ANGPT4: variants seen among roughly 807,000 people sequenced by gnomAD.
The protein encoded by ANGPT4 is angiopoietin 4.
In ANGPT4, 50 loss-of-function variants were observed where a neutral mutation model predicts 53.0. The observed-to-expected ratio is 0.94, with a 90% CI of 0.75 to 1.20. ANGPT4 has a LOEUF of 1.20. ANGPT4 is among the 50% of genes most tolerant of loss of function. ANGPT4 has a pLI of 0.00. For missense variants in ANGPT4, 648 were observed against 637.1 expected (o/e 1.02, Z -0.18); for synonymous variants, 251 against 259.7 (o/e 0.97, Z 0.32).
chr20:881,250 C>G lies in ANGPT4; in HGVS notation c.872G>C (p.Cys291Ser). The G allele has an allele frequency of 6.2e-7, 1 of 1,614,118 alleles. No individual in the cohort carries two copies. Among genetic ancestry groups the G allele is most frequent in the South Asian group, 1.1e-5 (1 of 91,074 alleles). The change falls in exon 5 of 9, where the codon TGT (cysteine) becomes TCT (serine). Residue 291 changes from cysteine (C) to serine (S), a missense_variant. Coordinates refer to ENST00000381922, the MANE Select transcript of ANGPT4 (RefSeq NM_015985.4). ...GGCCCCAGAGCGCTGGATCTCTGCA[C>G]AGTCCTGGAACACCTGCTCACCTGC... ...IMAGEQVFQDCAEIQRSGASA... is the reference protein window; with the variant it reads ...IMAGEQVFQDSAEIQRSGASA...
chr20:892,816 A>G (rs1340509267), intron 1 of ANGPT4, among the ~76,000 whole-genome samples: 1 of 152,122 alleles, frequency 6.6e-6, no homozygotes, highest in African/African-American at 2.4e-5. Flanking sequence ...ACAGGCGAGC[A>G]CCACCACGCG....
Position 885,349 on chromosome 20 carries a change from G to C in ANGPT4, c.588-24C>G, listed in dbSNP as rs528391316. On this transcript the variant is annotated intron_variant, in intron 3 of 8. Transcript: ENST00000381922. ...CGCTGCGGGGTAGGGGGCGCACAGA[G>C]GTGAGCCTGGCATCCTCGCGAAGCA... The C allele has an allele frequency of 2.2e-4, 347 of 1,546,654 alleles. 2 individuals are homozygous for C. The South Asian group carries it at 3.9e-3, about 17-fold the overall frequency.
Position 874,276 on chromosome 20 carries a change from G to A in ANGPT4, c.1351+8C>T. 6.2e-7 allele frequency: 1 copy of A among 1,613,946 alleles called. No homozygotes were observed. Among genetic ancestry groups the A allele is most frequent in the Non-Finnish European group, 8.5e-7 (1 of 1,179,910 alleles). On this transcript the variant is annotated splice_region_variant and intron_variant, in intron 8 of 8. Transcript: ENST00000381922. ...GGTGGGCGGAGCTTCACCCCACCCT[G>A]CACCTACCTCCAGACATCACTTGGG...
chr20:905,431 G>T (rs1461097113), intron 1 of ANGPT4, among the ~76,000 whole-genome samples: 1 of 152,174 alleles, frequency 6.6e-6, no homozygotes, highest in Non-Finnish European at 1.5e-5. Context: ...ATAGTTGTTT[G>T]GCAGCTAGAA....
chr20:890,447 G>T, intron 1 of ANGPT4, 79 bp from the exon 2 acceptor site: 1 of 1,397,418 alleles, frequency 7.2e-7, no homozygotes. Flanking sequence ...ACCATGGGAG[G>T]GCACTGAGCA....
intron 1 of ANGPT4, among the ~76,000 whole-genome samples, chr20:895,622 C>T (rs907029506): frequency 7.2e-5 from 11 of 152,014 alleles, no homozygotes; most frequent in African/African-American, 2.2e-4. Context: ...CCTCCGTGGC[C>T]GAGGAGATCT....
At chr20:894,522 G>A (rs1236550518) in intron 1 of ANGPT4, among the ~76,000 whole-genome samples, 1 of 152,194 alleles carries the variant, frequency 6.6e-6, no homozygotes, top group Non-Finnish European at 1.5e-5. Context: ...TGGACTGCAT[G>A]TGAGCTCCCA....
intron 4 of ANGPT4, among the ~76,000 whole-genome samples, chr20:881,828 G>C (rs1259439281): frequency 1.3e-5 from 2 of 152,196 alleles, no homozygotes; most frequent in African/African-American, 4.8e-5. Flanking sequence ...TGTGGAGGGG[G>C]GCCTGGAGGG....
intron 8 of ANGPT4, among the ~76,000 whole-genome samples, chr20:873,510 C>G (rs1039721041): frequency 3.9e-5 from 6 of 151,962 alleles, no homozygotes; most frequent in African/African-American, 1.4e-4. Flanking sequence ...TCTCCAGGTT[C>G]ATCTCTTTCT....
intron 4 of ANGPT4, among the ~76,000 whole-genome samples, chr20:882,791 C>A (rs1171566366): frequency 6.6e-6 from 1 of 152,172 alleles, no homozygotes; most frequent in Non-Finnish European, 1.5e-5. Context: ...TAGTCTACAA[C>A]AATATCAATA....
In ANGPT4 at chr20:914,143, G is replaced by A. The variant is rs186990071; in HGVS notation, c.309+1763C>T. ...TTTATTGAGTACCTACTGTGTGTTCGGCACTATTCTAGGCCCTGGGAACCC... is the reference window on the plus strand; with the variant it reads ...TTTATTGAGTACCTACTGTGTGTTCAGCACTATTCTAGGCCCTGGGAACCC... On this transcript the variant is annotated intron_variant, in intron 1 of 8. Coordinates refer to ENST00000381922, the MANE Select transcript of ANGPT4 (RefSeq NM_015985.4). This position sits in a 1 kb window ranked among gnomAD's most constrained non-coding sequence, Gnocchi z 5.0. 1.4e-4 allele frequency among the ~76,000 whole-genome samples: 22 copies of A among 152,256 alleles called. No homozygotes were observed. The highest frequency in any genetic ancestry group is 3.9e-4 in the Admixed American group (6 of 15,298).
chr20:906,313 G>A (rs1982478380), intron 1 of ANGPT4, among the ~76,000 whole-genome samples: 1 of 152,074 alleles, frequency 6.6e-6, no homozygotes, highest in East Asian at 1.9e-4. Flanking sequence ...GCCAGCGCCA[G>A]CTCACCAGCC....
At chr20:886,412 T>A (rs1981621546) in intron 3 of ANGPT4, among the ~76,000 whole-genome samples, 1 of 152,184 alleles carries the variant, frequency 6.6e-6, no homozygotes, top group Non-Finnish European at 1.5e-5. Context: ...CTTTCCAAGG[T>A]AACTGAATAA....
At chr20:884,552 C>G (rs1269717735) in intron 4 of ANGPT4, among the ~76,000 whole-genome samples, 1 of 152,202 alleles carries the variant, frequency 6.6e-6, no homozygotes, top group Non-Finnish European at 1.5e-5. Flanking sequence ...GAGCCCAGCC[C>G]AGAATTGTTT....
chr20:914,218 C>CA lies in ANGPT4; in HGVS notation c.309+1687dup. 6.6e-6 allele frequency among the ~76,000 whole-genome samples: 1 copy of CA among 151,740 alleles called. No homozygotes were observed. Among genetic ancestry groups the CA allele is most frequent in the Non-Finnish European group, 1.5e-5 (1 of 67,934 alleles). On this transcript the variant is annotated intron_variant, in intron 1 of 8. Coordinates refer to ENST00000381922, the MANE Select transcript of ANGPT4 (RefSeq NM_015985.4). The surrounding 1 kb of genome is among the most constrained non-coding windows in gnomAD (Gnocchi z 5.0). The stretch of plus-strand genomic sequence containing the variant: ...GCCTGCCCTCTGGGAGCTCACACAC[C>CA]AAAAGAAATGTTTTTAAGAACATTA...
chr20:908,501 A>C lies in ANGPT4; in HGVS notation c.309+7405T>G, dbSNP rs1350959984. On this transcript the variant is annotated intron_variant, in intron 1 of 8. Transcript: ENST00000381922. The surrounding 1 kb of genome is among the most constrained non-coding windows in gnomAD (Gnocchi z 4.9). ...CCTCAAGGTCAGGCACCCATTATCC[A>C]CCCCTAGCATCTCTCGGTCCCTCCT... 6.7e-6 allele frequency among the ~76,000 whole-genome samples: 1 copy of C among 150,060 alleles called. No individual in the cohort carries two copies. Among genetic ancestry groups the C allele is most frequent in the Admixed American group, 6.6e-5 (1 of 15,066 alleles).
intron 7 of ANGPT4, among the ~76,000 whole-genome samples, chr20:875,952 A>G (rs142939561): frequency 0.012 from 1,836 of 152,118 alleles, 42 homozygotes; most frequent in African/African-American, 0.042. Context: ...CAACATAGGG[A>G]AACCCTGTTT....
At position 872,711 on chromosome 20, in the gene ANGPT4, G is replaced by T. The variant is rs989290037; in HGVS notation, c.*249C>A. 3 of 507,752 alleles carry T rather than the reference G, an allele frequency of 5.9e-6. No homozygotes were observed. Among genetic ancestry groups the T allele is most frequent in the African/African-American group, 1.9e-5 (1 of 51,894 alleles). 31.5% of individuals were successfully genotyped at this position (507,752 alleles called of 1,614,324 possible). On this transcript the variant is annotated 3_prime_UTR_variant, in exon 9 of 9. Transcript: ENST00000381922. ...GACCCTCAGGCAGGGAGCCCCTGAA[G>T]GGGGAGGGAGAGAAGAGGGGCGAGG...
intron 2 of ANGPT4, among the ~76,000 whole-genome samples, chr20:889,792 C>T (rs1042340224): frequency 6.6e-6 from 1 of 152,156 alleles, no homozygotes; most frequent in African/African-American, 2.4e-5. Context: ...ACTTCCCTAC[C>T]CTTCATTTAT....
Sources: allele counts gnomAD v4.1 joint callset (sites outside exome capture counted in the v4.1 genomes callset), GRCh38; gene constraint gnomAD v4.1.1; non-coding constraint Gnocchi (gnomAD v3.1); transcripts MANE v1.5; gene names NCBI Gene and HGNC (gene_info 2026-07-23, HGNC 2026-07-21).